Variants in MSR1 observed in about 807,000 individuals in gnomAD.
MSR1 encodes macrophage scavenger receptor types I and II.
Under a neutral mutation model 47.2 loss-of-function variants are expected in MSR1, and 53 were observed. The ratio of observed to expected loss-of-function variants is 1.12; its 90% CI spans 0.90 to 1.41. The LOEUF is 1.41. Ranked by LOEUF, MSR1 falls within the 40% of genes most tolerant of loss-of-function variation. The pLI is 0.00. For missense variants in MSR1, 786 were observed against 546.9 expected (o/e 1.44, Z -4.36); for synonymous variants, 239 against 185.6 (o/e 1.29, Z -2.34).
Position 16,189,491 on chromosome 8 carries a change from C to G in MSR1, c.-5+3107G>C, listed in dbSNP as rs1173022073. Reference sequence around the variant, plus strand: ...ATTTTATATATTTTATATATAAAATCTTATTTTATATATATTTTTATATAT... The same window carrying G: ...ATTTTATATATTTTATATATAAAATGTTATTTTATATATATTTTTATATAT... On this transcript the variant is annotated intron_variant, in intron 1 of 9. Coordinates refer to ENST00000262101, the MANE Select transcript of MSR1 (RefSeq NM_138715.3). 6.9e-3 allele frequency among the ~76,000 whole-genome samples: 535 copies of G among 78,062 alleles called. 31 individuals are homozygous for G. Among genetic ancestry groups the G allele is most frequent in the Non-Finnish European group, 7.9e-3 (377 of 47,892 alleles). The allele number at this position is 78,062 out of a possible 152,430, so 51.2% of individuals were successfully genotyped here. A position where few individuals can be genotyped will look rare whatever the true frequency, so the allele number is the denominator to read the frequency against.
chr8:16,154,492 T>G (rs560738552), intron 6 of MSR1, among the ~76,000 whole-genome samples: 1 of 152,064 alleles, frequency 6.6e-6, no homozygotes, highest in Non-Finnish European at 1.5e-5. Context: ...AGAGAGTGAC[T>G]GTCAGCAAGG....
intron 9 of MSR1, among the ~76,000 whole-genome samples, chr8:16,116,696 G>C (rs1049075369): frequency 4.6e-5 from 7 of 151,962 alleles, no homozygotes; most frequent in African/African-American, 1.7e-4. Context: ...ATATAAGCAG[G>C]AATGAATAAA....
chr8:16,137,892 T>C (rs1319806621), intron 8 of MSR1, among the ~76,000 whole-genome samples: 1 of 151,682 alleles, frequency 6.6e-6, no homozygotes, highest in Non-Finnish European at 1.5e-5. Flanking sequence ...CTCAGGAGGC[T>C]GAGGTGGGAG....
chr8:16,187,526 G>A (rs1200425530), intron 1 of MSR1, among the ~76,000 whole-genome samples: 1 of 151,742 alleles, frequency 6.6e-6, no homozygotes, highest in Non-Finnish European at 1.5e-5. Flanking sequence ...TTCCTTATTT[G>A]TCTTGTCTAT....
chr8:16,184,955 T>A (rs955992802), intron 1 of MSR1, among the ~76,000 whole-genome samples: 2 of 149,204 alleles, frequency 1.3e-5, no homozygotes, highest in Admixed American at 6.9e-5. Flanking sequence ...CTGACACTAT[T>A]TAGTCTATAA....
intron 1 of MSR1, among the ~76,000 whole-genome samples, chr8:16,180,206 T>G (rs1343651347): frequency 1.3e-5 from 2 of 152,018 alleles, no homozygotes; most frequent in Non-Finnish European, 2.9e-5. Flanking sequence ...TTCCAGAGCT[T>G]TTCTCATTTT....
At chr8:16,154,052 T>C (rs34074175) in intron 6 of MSR1, among the ~76,000 whole-genome samples, 32 of 151,922 alleles carry the variant, frequency 2.1e-4, no homozygotes, top group Admixed American at 2.0e-3. Flanking sequence ...TCACATATAA[T>C]ATGCCATATA....
At chr8:16,151,952 TG>T (rs1456598809) in intron 6 of MSR1, among the ~76,000 whole-genome samples, 1 of 152,088 alleles carries the variant, frequency 6.6e-6, no homozygotes, top group Non-Finnish European at 1.5e-5. Context: ...ACCTGTAAAA[TG>T]GGTGTATTAT....
In MSR1 at chr8:16,114,950, G is replaced by C. The variant is rs143532987; in HGVS notation, c.1223-4732C>G. Among the ~76,000 whole-genome samples the C allele has an allele frequency of 9.6e-3, 1,457 of 152,040 alleles. 32 individuals are homozygous for C. Among genetic ancestry groups the C allele is most frequent in the African/African-American group, 0.032 (1,326 of 41,476 alleles). On this transcript the variant is annotated intron_variant, in intron 9 of 9. Coordinates refer to ENST00000262101, the MANE Select transcript of MSR1 (RefSeq NM_138715.3). ...CCCAGCACTTTGGGAGGCTGAGGTG[G>C]GTGGATCTCGTGCGGTCAGGAGTTC... is the stretch of plus-strand genomic sequence containing the variant.
intron 3 of MSR1, 31 bp from the exon 4 acceptor site, chr8:16,168,901 T>G: frequency 6.2e-7 from 1 of 1,603,174 alleles, no homozygotes; most frequent in African/African-American, 1.3e-5. Context: ...AAACCAGTCA[T>G]GGCCTGATCC....
intron 5 of MSR1, among the ~76,000 whole-genome samples, chr8:16,158,930 A>AT (rs34495946): frequency 0.38 from 41,051 of 107,604 alleles, 9,253 homozygotes; most frequent in South Asian, 0.49. Context: ...CCTTTGGTTA[A>AT]TTTTTTTTTT....
chr8:16,140,131 G>A (rs986548049), intron 8 of MSR1: 1 of 984,448 alleles, frequency 1.0e-6, no homozygotes, highest in East Asian at 1.1e-4. Context: ...CCTATCTCTG[G>A]TTGAGAATAA....
At chr8:16,148,704 C>G (rs573370719) in intron 7 of MSR1, among the ~76,000 whole-genome samples, 1 of 151,488 alleles carries the variant, frequency 6.6e-6, no homozygotes, top group African/African-American at 2.4e-5. Context: ...CAGTGATCTG[C>G]CTGCCTTGGC....
At chr8:16,174,573 T>C (rs368249982) in intron 3 of MSR1, among the ~76,000 whole-genome samples, 103 of 152,282 alleles carry the variant, frequency 6.8e-4, no homozygotes, top group African/African-American at 2.4e-3. Flanking sequence ...AAGTATCACG[T>C]TGTATATTTT....
intron 6 of MSR1, among the ~76,000 whole-genome samples, chr8:16,154,344 A>G (rs1336603753): frequency 6.6e-6 from 1 of 151,976 alleles, no homozygotes; most frequent in Non-Finnish European, 1.5e-5. Flanking sequence ...TAACATGACA[A>G]TCATGTTATT....
At chr8:16,169,494 A>G (rs1031336877) in intron 3 of MSR1, among the ~76,000 whole-genome samples, 4 of 152,150 alleles carry the variant, frequency 2.6e-5, no homozygotes, top group Non-Finnish European at 4.4e-5. Flanking sequence ...TACGATTCTC[A>G]TAAGACTCCT....
intron 8 of MSR1, among the ~76,000 whole-genome samples, chr8:16,143,303 T>C (rs955372020): frequency 6.6e-6 from 1 of 152,144 alleles, no homozygotes; most frequent in African/African-American, 2.4e-5. Context: ...ATTTTCTTTG[T>C]GGAATTTTTA....
At chr8:16,161,586 C>T (rs183714550) in intron 5 of MSR1, among the ~76,000 whole-genome samples, 1 of 152,012 alleles carries the variant, frequency 6.6e-6, no homozygotes, top group African/African-American at 2.4e-5. Flanking sequence ...TCGGTATCTA[C>T]CTAGATGTTC....
intron 1 of MSR1, among the ~76,000 whole-genome samples, chr8:16,185,304 T>G (rs532115246): frequency 1.3e-5 from 2 of 152,260 alleles, no homozygotes; most frequent in South Asian, 2.1e-4. Flanking sequence ...TGTGTCCTGA[T>G]CAAGCCAATA....
Sources: allele counts gnomAD v4.1 joint callset (sites outside exome capture counted in the v4.1 genomes callset), GRCh38; gene constraint gnomAD v4.1.1; transcripts MANE v1.5; gene names NCBI Gene and HGNC (gene_info 2026-07-23, HGNC 2026-07-21).